The following CTNNA3 variants were observed in gnomAD, a reference collection of about 807,000 sequenced individuals.
The protein encoded by CTNNA3 is catenin alpha-3.
A neutral mutation model predicts 95.7 loss-of-function variants in CTNNA3; 76 were observed. That is an observed-to-expected ratio of 0.79 (90% confidence interval 0.66 to 0.96). CTNNA3 has a LOEUF of 0.96. Among genes scored for constraint, CTNNA3 ranks in the 40% least tolerant of loss-of-function variants. CTNNA3 has a pLI of 0.00. For synonymous variants in CTNNA3, 431 were observed against 374.4 expected, an observed-to-expected ratio of 1.15 and a Z score of -1.74; for missense variants, 1,191 against 1,089.8, an observed-to-expected ratio of 1.09 and a Z score of -1.31.
At chr10:67,262,483 C>G (rs1589102677) in intron 5 of CTNNA3, among the ~76,000 whole-genome samples, 3 of 152,088 alleles carry the variant, frequency 2.0e-5, no homozygotes, top group Admixed American at 6.6e-5. Context: ...TTATATTAGT[C>G]AGAAATAGCA....
intron 11 of CTNNA3, among the ~76,000 whole-genome samples, chr10:66,401,381 C>G (rs1458097436): frequency 6.6e-6 from 1 of 151,900 alleles, no homozygotes; most frequent in Non-Finnish European, 1.5e-5. Context: ...AAAAAATTAG[C>G]CATGGATGGT....
At chr10:66,487,340 T>C (rs12218404) in intron 11 of CTNNA3, among the ~76,000 whole-genome samples, 6,876 of 151,792 alleles carry the variant, frequency 0.045, 468 homozygotes, top group East Asian at 0.32. Context: ...TAGCTGGGAC[T>C]ACAGGTGCCC....
chr10:66,761,791 G>A (rs1839611646), intron 9 of CTNNA3, among the ~76,000 whole-genome samples: 1 of 152,104 alleles, frequency 6.6e-6, no homozygotes, highest in Non-Finnish European at 1.5e-5. Flanking sequence ...AACTTTTTAT[G>A]AGGGAGCTCT....
intron 3 of CTNNA3, among the ~76,000 whole-genome samples, chr10:67,580,805 A>G (rs1169104014): frequency 6.6e-6 from 1 of 152,018 alleles, no homozygotes; most frequent in African/African-American, 2.4e-5. Context: ...TAGGTATTTT[A>G]TTCTCTTTGA....
intron 7 of CTNNA3, among the ~76,000 whole-genome samples, chr10:66,879,743 T>C (rs1294516169): frequency 6.6e-6 from 1 of 152,038 alleles, no homozygotes; most frequent in Non-Finnish European, 1.5e-5. Flanking sequence ...CAGGAATAGA[T>C]AGAGACAGAA....
chr10:67,570,303 T>A (rs138668795), intron 3 of CTNNA3, among the ~76,000 whole-genome samples: 132 of 152,176 alleles, frequency 8.7e-4, no homozygotes, highest in Non-Finnish European at 1.4e-3. Context: ...GTCTTGGTCC[T>A]CTCTGTCACT....
At chr10:67,329,075 A>G (rs1030994647) in intron 5 of CTNNA3, among the ~76,000 whole-genome samples, 5 of 152,212 alleles carry the variant, frequency 3.3e-5, no homozygotes, top group African/African-American at 1.2e-4. Context: ...AATGTTTAAT[A>G]TAAAATGGCA....
At chr10:67,029,944 G>A (rs1453927864) in intron 7 of CTNNA3, among the ~76,000 whole-genome samples, 2 of 152,222 alleles carry the variant, frequency 1.3e-5, no homozygotes, top group Non-Finnish European at 2.9e-5. Context: ...AGTTCTGTCA[G>A]ACAACACTGA....
rs539217581 is a variant in CTNNA3, at chr10:67,588,324, GTTTCTATTTTTGAAT to G, written c.292+18518_292+18532del. 1.5e-4 allele frequency among the ~76,000 whole-genome samples: 23 copies of G among 151,132 alleles called. No individual in the cohort carries two copies. The East Asian group carries it at 3.9e-3, about 26-fold the overall frequency. On this transcript the variant is annotated intron_variant, in intron 3 of 17. Transcript: ENST00000433211. ...TATCTCCACATCTGGTGTAACCGTT[GTTTCTATTTTTGAAT>G]TTACTTTTTTTCATGGAGGGTGCTT...
chr10:66,699,518 T>C (rs1564626803), intron 9 of CTNNA3, among the ~76,000 whole-genome samples: 2 of 152,168 alleles, frequency 1.3e-5, no homozygotes, highest in Non-Finnish European at 2.9e-5. Flanking sequence ...CCGTTGGCTA[T>C]TTTTATGTCT....
At chr10:65,946,581 A>G (rs2133194676) in intron 17 of CTNNA3, among the ~76,000 whole-genome samples, 1 of 152,308 alleles carries the variant, frequency 6.6e-6, no homozygotes, top group East Asian at 1.9e-4. Context: ...TAGAACATTT[A>G]TATTTTCAGG....
chr10:66,817,444 G>C (rs1842133657), intron 7 of CTNNA3, among the ~76,000 whole-genome samples: 1 of 151,758 alleles, frequency 6.6e-6, no homozygotes, highest in Non-Finnish European at 1.5e-5. Flanking sequence ...AAAAAAGAGA[G>C]AATTCTCAAA....
chr10:66,732,711 C>T (rs1053187580), intron 9 of CTNNA3, among the ~76,000 whole-genome samples: 6 of 152,112 alleles, frequency 3.9e-5, no homozygotes, highest in Non-Finnish European at 7.4e-5. Context: ...CCTCCCATGA[C>T]CCATGGGGAT....
At chr10:67,588,854 T>C (rs996358784) in intron 3 of CTNNA3, among the ~76,000 whole-genome samples, 1 of 152,090 alleles carries the variant, frequency 6.6e-6, no homozygotes, top group Non-Finnish European at 1.5e-5. Flanking sequence ...TTTATACTAA[T>C]ATCATTTTTA....
At chr10:67,750,716 T>G in intron 1 of CTNNA3, 3 of 1,574,544 alleles carry the variant, frequency 1.9e-6, no homozygotes, top group Non-Finnish European at 2.6e-6. Context: ...TGGGAGGCCA[T>G]GGAGGAGCTG....
chr10:67,161,364 C>T (rs1861540706), intron 7 of CTNNA3, among the ~76,000 whole-genome samples: 1 of 151,398 alleles, frequency 6.6e-6, no homozygotes, highest in Non-Finnish European at 1.5e-5. Flanking sequence ...TCTCAATATA[C>T]ATAAAACAAA....
chr10:66,778,101 C>T (rs2132833666), intron 7 of CTNNA3, among the ~76,000 whole-genome samples: 2 of 152,226 alleles, frequency 1.3e-5, no homozygotes, highest in South Asian at 4.1e-4. Context: ...AATAAACAGT[C>T]CCTATCATGA....
chr10:66,622,622 A>G (rs912924067), intron 9 of CTNNA3, among the ~76,000 whole-genome samples: 2 of 152,110 alleles, frequency 1.3e-5, no homozygotes, highest in Non-Finnish European at 2.9e-5. Context: ...TGATCTACAA[A>G]ATATCTCATT....
Position 67,488,687 on chromosome 10 carries a change from T to C in CTNNA3, c.579+33155A>G, listed in dbSNP as rs561181544. ...TGCCCGGCCTCTTTTTTTTTTTTTT[T>C]TGAGACAAAGTCCCTTCTGTCACCT... On this transcript the variant is annotated intron_variant, in intron 5 of 17. Coordinates refer to ENST00000433211, the MANE Select transcript of CTNNA3 (RefSeq NM_013266.4). 8.5e-4 allele frequency among the ~76,000 whole-genome samples: 128 copies of C among 150,778 alleles called. No individual in the cohort carries two copies. In the Middle Eastern group the frequency reaches 0.01, roughly 12 times the overall value.
Sources: allele counts gnomAD v4.1 joint callset (sites outside exome capture counted in the v4.1 genomes callset), GRCh38; gene constraint gnomAD v4.1.1; transcripts MANE v1.5; gene names NCBI Gene and HGNC (gene_info 2026-07-23, HGNC 2026-07-21).